COG6: variants seen among roughly 807,000 people sequenced by gnomAD.
The protein encoded by COG6 is component of oligomeric golgi complex 6.
Under a neutral mutation model 88.8 loss-of-function variants are expected in COG6, and 74 were observed. The ratio of observed to expected loss-of-function variants is 0.83; its 90% CI spans 0.69 to 1.01. COG6 has a LOEUF of 1.01. COG6 is among the 50% of genes least tolerant of loss of function. The pLI is 0.00. For synonymous variants in COG6, 286 were observed against 278.7 expected (o/e 1.03, Z -0.26); for missense variants, 800 against 797.9 (o/e 1.00, Z -0.03).
intron 10 of COG6, among the ~76,000 whole-genome samples, chr13:39,688,177 T>G (rs1876777144): frequency 6.6e-6 from 1 of 152,214 alleles, no homozygotes; most frequent in South Asian, 2.1e-4. Flanking sequence ...ACAGGCTGAG[T>G]GACTTGTTTT....
At chr13:39,765,184 C>T (rs1188444693) in intron 18 of COG6, among the ~76,000 whole-genome samples, 4 of 152,172 alleles carry the variant, frequency 2.6e-5, no homozygotes, top group African/African-American at 7.2e-5. Flanking sequence ...CTTCCTTCTG[C>T]CATGCCCTCT....
At chr13:39,740,092 T>A (rs1879968272) in intron 18 of COG6, among the ~76,000 whole-genome samples, 1 of 152,150 alleles carries the variant, frequency 6.6e-6, no homozygotes, top group Admixed American at 6.6e-5. Context: ...TTATTGAAAA[T>A]TCTAAAAGAT....
intron 12 of COG6, among the ~76,000 whole-genome samples, chr13:39,697,324 G>A (rs1456994110): frequency 6.6e-6 from 1 of 151,322 alleles, no homozygotes; most frequent in Non-Finnish European, 1.5e-5. Flanking sequence ...AATATTTTGA[G>A]TCAAGAAGAG....
chr13:39,776,015 C>T (rs149813917), intron 18 of COG6, among the ~76,000 whole-genome samples: 79 of 152,254 alleles, frequency 5.2e-4, no homozygotes, highest in African/African-American at 1.9e-3. Flanking sequence ...GTGATCCACC[C>T]GCCTTGGTCT....
chr13:39,676,265 A>G (rs966090932), intron 4 of COG6, among the ~76,000 whole-genome samples: 10 of 152,106 alleles, frequency 6.6e-5, no homozygotes, highest in African/African-American at 2.2e-4. Context: ...AGAGTAAACT[A>G]TACGACCCCA....
At chr13:39,754,561 C>A (rs1395499803), downstream of COG6, among the ~76,000 whole-genome samples, 1 of 152,116 alleles carries the variant, frequency 6.6e-6, no homozygotes, top group African/African-American at 2.4e-5. Context: ...ATATATGTTA[C>A]ATAAACTTCT....
rs1222122377 is a variant in COG6, at chr13:39,659,549, T to C, written c.297+42T>C. ...CATTTAGCATATATTGAGAACTTAC[T>C]ATTACGCCTGGCTCTGTGCTAAGTA... On this transcript the variant is annotated intron_variant, in intron 2 of 18. Coordinates refer to ENST00000455146, the MANE Select transcript of COG6 (RefSeq NM_020751.3). 8 of 1,558,950 alleles carry C rather than the reference T, an allele frequency of 5.1e-6. 1 individual carries two copies. Among genetic ancestry groups the C allele is most frequent in the Middle Eastern group, 2.1e-4 (1 of 4,762 alleles).
chr13:39,726,430 A>C (rs181417075), intron 17 of COG6, among the ~76,000 whole-genome samples: 1 of 151,986 alleles, frequency 6.6e-6, no homozygotes, highest in Non-Finnish European at 1.5e-5. Context: ...TAATTCATAC[A>C]TATCCAAAAT....
At chr13:39,782,542 G>A (rs1030518956) in intron 18 of COG6, among the ~76,000 whole-genome samples, 2 of 152,178 alleles carry the variant, frequency 1.3e-5, no homozygotes, top group African/African-American at 2.4e-5. Context: ...TCTTCAAGAA[G>A]TGCACCAGAA....
intron 18 of COG6, among the ~76,000 whole-genome samples, chr13:39,769,922 C>T (rs1394990425): frequency 1.3e-5 from 2 of 152,214 alleles, no homozygotes; most frequent in Admixed American, 6.5e-5. Context: ...CTTCCCAGCT[C>T]CTAGAACTGT....
At chr13:39,673,045 T>G (rs1477766222) in intron 4 of COG6, among the ~76,000 whole-genome samples, 5 of 152,014 alleles carry the variant, frequency 3.3e-5, no homozygotes, top group Middle Eastern at 3.2e-3. Flanking sequence ...GAGAAATGTC[T>G]ATTTACGTCC....
At chr13:39,715,439 T>C (rs1878478097) in intron 13 of COG6, among the ~76,000 whole-genome samples, 1 of 152,120 alleles carries the variant, frequency 6.6e-6, no homozygotes, top group Non-Finnish European at 1.5e-5. Flanking sequence ...TTAGATTTTT[T>C]TTTCTGTTTA....
At chr13:39,656,715 G>A (rs748262812) in intron 1 of COG6, 28 of 385,908 alleles carry the variant, frequency 7.3e-5, no homozygotes, top group Admixed American at 1.0e-4. Context: ...ACATTGCAAT[G>A]TAATGAATAA....
intron 18 of COG6, among the ~76,000 whole-genome samples, chr13:39,728,810 G>A (rs1032834037): frequency 2.1e-4 from 32 of 151,650 alleles, no homozygotes; most frequent in African/African-American, 5.6e-4. Context: ...GAGTACAGGC[G>A]CCCACCTCCA....
At chr13:39,716,527 G>A (rs528049973) in intron 13 of COG6, among the ~76,000 whole-genome samples, 1 of 151,772 alleles carries the variant, frequency 6.6e-6, no homozygotes, top group African/African-American at 2.4e-5. Context: ...ATTTATGTCT[G>A]CAATTTGCCC....
intron 18 of COG6, among the ~76,000 whole-genome samples, chr13:39,776,971 C>T (rs1417127661): frequency 1.3e-5 from 2 of 151,640 alleles, no homozygotes; most frequent in Non-Finnish European, 2.9e-5. Context: ...TAGTTGTTAC[C>T]AGGAAGAAAC....
At chr13:39,728,914 C>T (rs755046201) in intron 18 of COG6, among the ~76,000 whole-genome samples, 4 of 152,090 alleles carry the variant, frequency 2.6e-5, no homozygotes, top group Admixed American at 2.0e-4. Context: ...CCACCTGCCT[C>T]GGCCTCCCAA....
chr13:39,697,730 A>C (rs753222906), intron 12 of COG6, among the ~76,000 whole-genome samples: 2 of 151,892 alleles, frequency 1.3e-5, no homozygotes, highest in African/African-American at 4.8e-5. Flanking sequence ...GCCTACTGCA[A>C]GCTGCTTGGC....
intron 3 of COG6, among the ~76,000 whole-genome samples, chr13:39,661,319 TA>T (rs1874885568): frequency 6.6e-6 from 1 of 152,228 alleles, no homozygotes; most frequent in South Asian, 2.1e-4. Flanking sequence ...AAAGCAGTCC[TA>T]AACTTATAGT....
Sources: allele counts gnomAD v4.1 joint callset (sites outside exome capture counted in the v4.1 genomes callset), GRCh38; gene constraint gnomAD v4.1.1; transcripts MANE v1.5; gene names NCBI Gene and HGNC (gene_info 2026-07-23, HGNC 2026-07-21).